The following CDK8 variants were observed in gnomAD, a reference collection of about 807,000 sequenced individuals.
The protein encoded by CDK8 is cyclin dependent kinase 8.
Under a neutral mutation model 71.5 loss-of-function variants are expected in CDK8, and 29 were observed. The observed-to-expected ratio is 0.41, with a 90% CI of 0.30 to 0.55. The LOEUF is 0.55. CDK8 is among the 20% of genes least tolerant of loss of function. The probability of loss-of-function intolerance (pLI) is 0.37; values close to 1 mark genes in which losing one functional copy is unlikely to be tolerated. For synonymous variants in CDK8, 161 were observed against 192.1 expected, an observed-to-expected ratio of 0.84 and a Z score of 1.34; for missense variants, 288 against 572.6, an observed-to-expected ratio of 0.50 and a Z score of 5.07.
intron 1 of CDK8, among the ~76,000 whole-genome samples, chr13:26,333,934 G>A (rs879780781): frequency 1.3e-5 from 2 of 152,136 alleles, no homozygotes; most frequent in Admixed American, 1.3e-4. Context: ...AAAAAAATGT[G>A]TGGATGGAGA....
chr13:26,378,342 T>C (rs557335951), intron 4 of CDK8, among the ~76,000 whole-genome samples: 5 of 152,186 alleles, frequency 3.3e-5, no homozygotes, highest in Admixed American at 6.5e-5. Context: ...CATGACATGC[T>C]GGAGAACAGA....
intron 4 of CDK8, among the ~76,000 whole-genome samples, chr13:26,357,228 G>A (rs1425494515): frequency 6.6e-6 from 1 of 152,116 alleles, no homozygotes; most frequent in East Asian, 1.9e-4. Context: ...GGCATCCTTG[G>A]TGGGAAAATA....
At chr13:26,308,301 T>C (rs951542070) in intron 1 of CDK8, among the ~76,000 whole-genome samples, 1 of 152,230 alleles carries the variant, frequency 6.6e-6, no homozygotes, top group South Asian at 2.1e-4. Context: ...CAGAATGCAG[T>C]GTTGGACAGT....
At position 26,254,492 on chromosome 13, in the gene CDK8, C is replaced by A; in HGVS notation, c.-150C>A. The A allele has an allele frequency of 1.6e-6, 1 of 610,420 alleles. No homozygotes were observed. 37.8% of individuals were successfully genotyped at this position (610,420 alleles called of 1,614,324 possible). A position where few individuals can be genotyped will look rare whatever the true frequency, so the allele number is the denominator to read the frequency against. ...CCTGGCGCTTTCGCGGGGCCTCCTC[C>A]TGCTCTTGCCGCATCAGTCGGGCTG... is the stretch of plus-strand genomic sequence containing the variant. On this transcript the variant is annotated 5_prime_UTR_variant, in exon 1 of 13. In the 5' UTR this introduces an upstream ATG that the reference lacks. Coordinates refer to ENST00000381527, the MANE Select transcript of CDK8 (RefSeq NM_001260.3). This position sits in a 1 kb window ranked among gnomAD's most constrained non-coding sequence, Gnocchi z 6.7.
At chr13:26,394,917 CAG>C (rs1436974292) in intron 7 of CDK8, among the ~76,000 whole-genome samples, 1 of 151,784 alleles carries the variant, frequency 6.6e-6, no homozygotes, top group Admixed American at 6.6e-5. Flanking sequence ...GTGCTGCAGA[CAG>C]AAAGTAGAGT....
Position 26,254,790 on chromosome 13 carries a change from C to T in CDK8, c.128+21C>T, listed in dbSNP as rs2137842869. ...GATGGGTGAGTGTGTGTGTCTGGGC[C>T]GGTGTCCGCGCTGGGCGGCGCTCCC... On this transcript the variant is annotated intron_variant, in intron 1 of 12. Coordinates refer to ENST00000381527, the MANE Select transcript of CDK8 (RefSeq NM_001260.3). The surrounding 1 kb of genome is among the most constrained non-coding windows in gnomAD (Gnocchi z 6.7). 1 of 1,608,832 alleles carries T rather than the reference C, an allele frequency of 6.2e-7. No individual in the cohort carries two copies.
intron 1 of CDK8, among the ~76,000 whole-genome samples, chr13:26,302,691 A>C (rs530964029): frequency 6.6e-6 from 1 of 152,274 alleles, no homozygotes; most frequent in East Asian, 1.9e-4. Flanking sequence ...TCATTGTTAT[A>C]GTTTAGGGGA....
intron 1 of CDK8, among the ~76,000 whole-genome samples, chr13:26,270,183 A>C (rs945422472): frequency 1.3e-5 from 2 of 152,000 alleles, no homozygotes; most frequent in African/African-American, 4.8e-5. Flanking sequence ...TGAGGTCAGG[A>C]GTTTGAGACC....
chr13:26,359,285 G>T (rs189608309), intron 4 of CDK8, among the ~76,000 whole-genome samples: 12 of 152,276 alleles, frequency 7.9e-5, no homozygotes, highest in Non-Finnish European at 1.5e-4. Flanking sequence ...GGAGATGTAC[G>T]GTGGTTGCAC....
chr13:26,327,166 GA>G (rs1470659011), intron 1 of CDK8, among the ~76,000 whole-genome samples: 2 of 152,132 alleles, frequency 1.3e-5, no homozygotes, highest in Non-Finnish European at 2.9e-5. Flanking sequence ...CATAACCATT[GA>G]GGATATATTC....
chr13:26,368,174 G>A lies in CDK8; in HGVS notation c.456+14294G>A, dbSNP rs551056349. On this transcript the variant is annotated intron_variant, in intron 4 of 12. Coordinates refer to ENST00000381527, the MANE Select transcript of CDK8 (RefSeq NM_001260.3). Reference sequence around the variant, plus strand: ...CACATTTTACACAGTCGAATTTTTCGGACTCCAATAATTGCCTCATGGTCT... The same window carrying A: ...CACATTTTACACAGTCGAATTTTTCAGACTCCAATAATTGCCTCATGGTCT... 5.3e-5 allele frequency among the ~76,000 whole-genome samples: 8 copies of A among 152,090 alleles called. No homozygotes were observed. The East Asian group carries it at 5.8e-4, about 11-fold the overall frequency.
At chr13:26,309,264 C>T (rs530351465) in intron 1 of CDK8, among the ~76,000 whole-genome samples, 3 of 152,030 alleles carry the variant, frequency 2.0e-5, no homozygotes, top group South Asian at 2.1e-4. Context: ...CTCAGCCTCC[C>T]GAGTAGCTGG....
chr13:26,293,342 C>T (rs187761821), intron 1 of CDK8, among the ~76,000 whole-genome samples: 29 of 152,104 alleles, frequency 1.9e-4, no homozygotes, highest in Non-Finnish European at 3.5e-4. Context: ...GTGGCTCACG[C>T]CTGTAATCGG....
intron 4 of CDK8, among the ~76,000 whole-genome samples, chr13:26,378,849 A>C (rs1219352851): frequency 1.3e-5 from 2 of 152,232 alleles, no homozygotes; most frequent in African/African-American, 2.4e-5. Context: ...GAGGAAGAAA[A>C]GGAAAGAAGT....
intron 4 of CDK8, among the ~76,000 whole-genome samples, chr13:26,377,979 T>C (rs1393640083): frequency 6.6e-6 from 1 of 152,230 alleles, no homozygotes; most frequent in Non-Finnish European, 1.5e-5. Flanking sequence ...GCACTGACAA[T>C]ATAGTTTCTT....
intron 1 of CDK8, among the ~76,000 whole-genome samples, chr13:26,276,378 CATCTT>C (rs1872563348): frequency 1.3e-5 from 2 of 152,266 alleles, no homozygotes; most frequent in African/African-American, 4.8e-5. Flanking sequence ...TTGGGATTGA[CATCTT>C]ATATGTGATT....
chr13:26,398,694 C>G (rs1338367609), intron 9 of CDK8, among the ~76,000 whole-genome samples: 1 of 152,138 alleles, frequency 6.6e-6, no homozygotes, highest in African/African-American at 2.4e-5. Context: ...GTCGTGTCGG[C>G]CTGGCGTGGT....
At chr13:26,269,223 A>T (rs1175753245) in intron 1 of CDK8, among the ~76,000 whole-genome samples, 1 of 152,264 alleles carries the variant, frequency 6.6e-6, no homozygotes, top group Non-Finnish European at 1.5e-5. Context: ...GCTAAACATA[A>T]TTCTTGATAG....
intron 3 of CDK8, among the ~76,000 whole-genome samples, chr13:26,351,463 A>G (rs1245928533): frequency 3.9e-5 from 6 of 152,176 alleles, no homozygotes; most frequent in Non-Finnish European, 4.4e-5. Flanking sequence ...GCTGAGCCTC[A>G]TAAGAAATAA....
Sources: gnomAD v4.1 joint callset for allele counts (sites outside exome capture counted in the v4.1 genomes callset) on GRCh38, gnomAD v4.1.1 for gene constraint, Gnocchi (gnomAD v3.1) non-coding constraint, MANE v1.5 for transcripts, NCBI Gene and HGNC (gene_info 2026-07-23, HGNC 2026-07-21) for gene names.